Variants in EP300 observed in about 807,000 individuals in gnomAD.
The protein encoded by EP300 is EP300 lysine acetyltransferase.
In EP300, 31 loss-of-function variants were observed where a neutral mutation model predicts 264.0. The observed-to-expected ratio is 0.12, with a 90% CI of 0.09 to 0.16. The LOEUF (loss-of-function observed/expected upper bound fraction) is 0.16. EP300 is among the 10% of genes least tolerant of loss of function. EP300 has a pLI of 1.00. For missense variants in EP300, 2,766 were observed against 3,052.9 expected (o/e 0.91, Z 2.21); for synonymous variants, 1,340 against 1,045.4 (o/e 1.28, Z -5.44).
At position 41,095,287 on chromosome 22, in the gene EP300, T is replaced by A. The variant is rs2058696212; in HGVS notation, c.94+2189T>A. Among the ~76,000 whole-genome samples, 10 of 136,686 alleles carry A rather than the reference T, an allele frequency of 7.3e-5. No individual in the cohort carries two copies. In the South Asian group the frequency reaches 2.5e-3, roughly 34 times the overall value. 89.7% of individuals were successfully genotyped at this position (136,686 alleles called of 152,430 possible). Reference sequence around the variant, plus strand: ...TGGAGTCTCATTCTGTCACCCAGGCTGGAGTGCAGTGGTGCGATCTCACTA... The same window carrying A: ...TGGAGTCTCATTCTGTCACCCAGGCAGGAGTGCAGTGGTGCGATCTCACTA... On this transcript the variant is annotated intron_variant, in intron 1 of 30. Transcript: ENST00000263253.
intron 1 of EP300, among the ~76,000 whole-genome samples, chr22:41,093,943 T>C (rs2058688407): frequency 1.3e-5 from 2 of 152,246 alleles, no homozygotes; most frequent in South Asian, 4.1e-4. Context: ...AAGTTTAAAA[T>C]GTGCATTAGG....
intron 1 of EP300, among the ~76,000 whole-genome samples, chr22:41,111,844 T>C (rs1278548587): frequency 6.6e-6 from 1 of 150,736 alleles, no homozygotes; most frequent in Non-Finnish European, 1.5e-5. Flanking sequence ...CGGACTTTTT[T>C]CTCTTTTTTT....
rs1374438177 is a variant in EP300, at chr22:41,092,803, T to C, written c.-202T>C. The C allele has an allele frequency of 6.4e-5, 42 of 660,134 alleles. No individual in the cohort carries two copies. Among genetic ancestry groups the C allele is most frequent in the East Asian group, 1.6e-4 (6 of 37,126 alleles). The allele number at this position is 660,134 out of a possible 1,614,324, so 40.9% of individuals were successfully genotyped here. A position where few individuals can be genotyped will look rare whatever the true frequency, so the allele number is the denominator to read the frequency against. The stretch of plus-strand genomic sequence containing the variant: ...TGGGCCCAGGCCCGGCCCCTCGCAC[T>C]TGCCCTTACCTTTTCTATCGAGTCC... On this transcript the variant is annotated 5_prime_UTR_variant, in exon 1 of 31. Transcript: ENST00000263253.
intron 7 of EP300, among the ~76,000 whole-genome samples, chr22:41,137,073 A>T (rs933414783): frequency 1.4e-4 from 22 of 151,836 alleles, no homozygotes; most frequent in Non-Finnish European, 2.4e-4. Flanking sequence ...AAGGAAAAAA[A>T]AATGGCTGGG....
At chr22:41,154,404 T>A (rs1051598926) in intron 16 of EP300, among the ~76,000 whole-genome samples, 2 of 126,982 alleles carry the variant, frequency 1.6e-5, no homozygotes, top group Non-Finnish European at 3.5e-5. Context: ...TTTTTTGAGA[T>A]GGGGCCTCAT....
chr22:41,126,122 T>C (rs781739939), intron 3 of EP300, 82 bp downstream of exon 3: 217 of 1,450,194 alleles, frequency 1.5e-4, no homozygotes, highest in Non-Finnish European at 2.0e-4. Flanking sequence ...CCTTCTGTTA[T>C]ATATGCTGGG....
At chr22:41,130,954 A>G (rs939317185) in intron 5 of EP300, among the ~76,000 whole-genome samples, 3 of 152,234 alleles carry the variant, frequency 2.0e-5, no homozygotes, top group Non-Finnish European at 4.4e-5. Flanking sequence ...AAATTTTATA[A>G]CAAGAATTGG....
intron 27 of EP300, among the ~76,000 whole-genome samples, chr22:41,171,407 G>A (rs192584743): frequency 1.4e-4 from 21 of 152,240 alleles, no homozygotes; most frequent in South Asian, 8.3e-4. Flanking sequence ...CATGATACCC[G>A]CTCATTGCAA....
chr22:41,117,809 C>T lies in EP300; in HGVS notation c.717C>T (p.Pro239=), dbSNP rs754418314. ...QMGGQTGLRG[P]QPLKMGMMNN... ...GAGGACAAACAGGATTGAGAGGCCCCCAGCCTCTTAAGGTAAGTACAGTTT... is the reference window on the plus strand; with the variant it reads ...GAGGACAAACAGGATTGAGAGGCCCTCAGCCTCTTAAGGTAAGTACAGTTT... The change falls in exon 2 of 31, where the codon CCC becomes CCT. Residue 239 remains proline (P), a synonymous_variant. Transcript: ENST00000263253. 1.9e-6 allele frequency: 3 copies of T among 1,613,990 alleles called. No homozygotes were observed. The highest frequency in any genetic ancestry group is 2.2e-5 in the South Asian group (2 of 91,068).
chr22:41,168,629 C>T (rs774489780), intron 24 of EP300, 30 bp downstream of exon 24: 6 of 1,614,072 alleles, frequency 3.7e-6, no homozygotes, highest in Admixed American at 1.7e-5. Context: ...TTCTTCTCCT[C>T]GTGGATCCAA....
intron 17 of EP300, among the ~76,000 whole-genome samples, chr22:41,156,447 A>G (rs2059077806): frequency 6.6e-6 from 1 of 152,132 alleles, no homozygotes; most frequent in Non-Finnish European, 1.5e-5. Context: ...TTGGCCGGGC[A>G]CGGTGGCTAA....
chr22:41,105,354 CA>C (rs111775923), intron 1 of EP300, among the ~76,000 whole-genome samples: 35 of 144,154 alleles, frequency 2.4e-4, no homozygotes, highest in African/African-American at 3.3e-4. Context: ...AACTGCATCT[CA>C]AAAAAAAAAA....
At chr22:41,140,961 A>G in intron 9 of EP300, 87 bp from the exon 10 acceptor site, 2 of 1,267,284 alleles carry the variant, frequency 1.6e-6, no homozygotes, top group South Asian at 1.3e-5. Context: ...AATGAAACTA[A>G]TATCTATTCT....
chr22:41,146,505 A>C, intron 10 of EP300: 1 of 534,736 alleles, frequency 1.9e-6, no homozygotes, highest in Non-Finnish European at 3.3e-6. Flanking sequence ...ATCAACATTG[A>C]AAGCACCCGG....
intron 1 of EP300, among the ~76,000 whole-genome samples, chr22:41,095,475 AC>A (rs1314844504): frequency 1.3e-5 from 2 of 151,538 alleles, no homozygotes; most frequent in Non-Finnish European, 2.9e-5. Flanking sequence ...CAAGTGATCC[AC>A]CCACCTTGGC....
chr22:41,128,180 C>T (rs895785971), intron 4 of EP300, among the ~76,000 whole-genome samples: 16 of 151,948 alleles, frequency 1.1e-4, no homozygotes, highest in African/African-American at 2.4e-4. Context: ...AAAGGTTGGG[C>T]GCAGTGGCTC....
rs2059223310 is a variant in EP300 at position 41,179,050 on chromosome 22, A to AAAAGACAATTT, written c.*95_*105dup. 1 of 1,473,258 alleles carries AAAAGACAATTT rather than the reference A, an allele frequency of 6.8e-7. No homozygotes were observed. The highest frequency in any genetic ancestry group is 9.3e-7 in the Non-Finnish European group (1 of 1,077,820). 91.3% of individuals were successfully genotyped at this position (1,473,258 alleles called of 1,614,324 possible). The stretch of plus-strand genomic sequence containing the variant: ...AATTTTTTTGAATCTTTCGTAGCCT[A>AAAAGACAATTT]AAAGACAATTTTCCTTGGAACACAT... On this transcript the variant is annotated 3_prime_UTR_variant, in exon 31 of 31. Transcript: ENST00000263253.
At chr22:41,128,141 G>A (rs1215793009) in intron 4 of EP300, among the ~76,000 whole-genome samples, 2 of 152,144 alleles carry the variant, frequency 1.3e-5, no homozygotes, top group African/African-American at 4.8e-5. Flanking sequence ...ACTCCAGCCT[G>A]GGTGACAATG....
chr22:41,176,166 G>C (rs2145511582), intron 29 of EP300, 81 bp from the exon 30 acceptor site: 1 of 1,547,048 alleles, frequency 6.5e-7, no homozygotes, highest in Non-Finnish European at 8.9e-7. Context: ...GTTGTAGTGA[G>C]CCAAGATCAC....
Sources: allele counts gnomAD v4.1 joint callset (sites outside exome capture counted in the v4.1 genomes callset), GRCh38; gene constraint gnomAD v4.1.1; transcripts MANE v1.5; gene names NCBI Gene and HGNC (gene_info 2026-07-23, HGNC 2026-07-21).